Variants in OSBPL6 observed in about 807,000 individuals in gnomAD.
OSBPL6 encodes the protein oxysterol binding protein like 6, also known as oxysterol-binding protein-related protein 6.
A neutral mutation model predicts 125.8 loss-of-function variants in OSBPL6; 49 were observed. That is an observed-to-expected ratio of 0.39 (90% CI 0.31 to 0.49). OSBPL6 has a LOEUF of 0.49. Among genes scored for constraint, OSBPL6 ranks in the 20% least tolerant of loss-of-function variants. The pLI is 0.88. For missense variants in OSBPL6, 986 were observed against 1,135.4 expected (o/e 0.87, Z 1.89); for synonymous variants, 394 against 391.8 (o/e 1.01, Z -0.07).
At chr2:178,220,075 G>T (rs1269317876) in intron 1 of OSBPL6, among the ~76,000 whole-genome samples, 1 of 152,172 alleles carries the variant, frequency 6.6e-6, no homozygotes, top group African/African-American at 2.4e-5. Context: ...GACCATGGAG[G>T]TGTCTGTTCC....
chr2:178,200,237 T>C (rs1292791940), intron 1 of OSBPL6, among the ~76,000 whole-genome samples: 1 of 151,602 alleles, frequency 6.6e-6, no homozygotes, highest in Admixed American at 6.6e-5. Flanking sequence ...AAGGTTCTGT[T>C]TCTTCAGACC....
Position 178,332,862 on chromosome 2 carries a change from T to C in OSBPL6, c.487-9T>C, listed in dbSNP as rs368764641. ...TACAATTACTTTCTCCTCTCGTTCATTGTTTTAGGTGAAATCCCAGGACTG... is the reference window on the plus strand; with the variant it reads ...TACAATTACTTTCTCCTCTCGTTCACTGTTTTAGGTGAAATCCCAGGACTG... On this transcript the variant is annotated splice_polypyrimidine_tract_variant and intron_variant, in intron 7 of 24. Coordinates refer to ENST00000190611, the MANE Select transcript of OSBPL6 (RefSeq NM_032523.4). The C allele has an allele frequency of 3.1e-5, 50 of 1,609,332 alleles. No homozygotes were observed. The highest frequency in any genetic ancestry group is 4.1e-5 in the Non-Finnish European group (48 of 1,176,376).
rs183702482 is a variant in OSBPL6 at position 178,262,565 on chromosome 2, A to T, written c.-350-22362A>T. Among the ~76,000 whole-genome samples the T allele has an allele frequency of 7.2e-5, 11 of 152,320 alleles. No homozygotes were observed. In the East Asian group the frequency reaches 1.9e-3, roughly 27 times the overall value. On this transcript the variant is annotated intron_variant, in intron 1 of 24. Coordinates refer to ENST00000190611, the MANE Select transcript of OSBPL6 (RefSeq NM_032523.4). ...TTATTTAAGCTTAATATTCATTTTT[A>T]AAAAAGAAAAATATTAATATTTTGA...
chr2:178,322,548 G>A (rs1433486662), intron 3 of OSBPL6, among the ~76,000 whole-genome samples: 1 of 152,038 alleles, frequency 6.6e-6, no homozygotes, highest in Non-Finnish European at 1.5e-5. Context: ...AAGTGTAGGT[G>A]CCTAATAATG....
chr2:178,218,260 G>A (rs7581504), intron 1 of OSBPL6, among the ~76,000 whole-genome samples: 48,674 of 151,924 alleles, frequency 0.32, 8,046 homozygotes, highest in African/African-American at 0.37. Flanking sequence ...AAATGCCTAC[G>A]TGGTCCATCT....
intron 12 of OSBPL6, among the ~76,000 whole-genome samples, chr2:178,350,457 T>C (rs1481151905): frequency 6.6e-6 from 1 of 152,158 alleles, no homozygotes; most frequent in Non-Finnish European, 1.5e-5. Context: ...AACAGCCTGG[T>C]GGAAAAGAAG....
At chr2:178,378,306 G>T (rs1468958744) in intron 15 of OSBPL6, among the ~76,000 whole-genome samples, 1 of 152,202 alleles carries the variant, frequency 6.6e-6, no homozygotes, top group Non-Finnish European at 1.5e-5. Context: ...GTTCTGGTGA[G>T]CCCAGAGCAG....
chr2:178,328,748 A>G (rs1688925828), intron 5 of OSBPL6, among the ~76,000 whole-genome samples: 1 of 152,154 alleles, frequency 6.6e-6, no homozygotes, highest in African/African-American at 2.4e-5. Flanking sequence ...TCAGCCTCAC[A>G]AAGTCCTGGG....
intron 1 of OSBPL6, among the ~76,000 whole-genome samples, chr2:178,247,778 T>G (rs2091547481): frequency 6.6e-6 from 1 of 152,158 alleles, no homozygotes. Context: ...TGGGGAGTAT[T>G]TTGTCTGTGT....
intron 1 of OSBPL6, among the ~76,000 whole-genome samples, chr2:178,236,166 A>G (rs1311764965): frequency 1.3e-5 from 2 of 152,202 alleles, no homozygotes; most frequent in African/African-American, 4.8e-5. Context: ...ATGATAGAAC[A>G]TGCTTATGCT....
intron 13 of OSBPL6, among the ~76,000 whole-genome samples, chr2:178,364,618 T>C (rs1692642121): frequency 6.6e-6 from 1 of 152,140 alleles, no homozygotes; most frequent in African/African-American, 2.4e-5. Flanking sequence ...TAACTGGGTA[T>C]GTGAAAGTTA....
At chr2:178,223,149 G>GT (rs1187359968) in intron 1 of OSBPL6, among the ~76,000 whole-genome samples, 1 of 152,180 alleles carries the variant, frequency 6.6e-6, no homozygotes, top group Non-Finnish European at 1.5e-5. Context: ...TTGAAGCCTT[G>GT]TAAGACTTGT....
intron 1 of OSBPL6, among the ~76,000 whole-genome samples, chr2:178,259,901 A>G (rs334007): frequency 0.37 from 56,178 of 152,020 alleles, 10,764 homozygotes; most frequent in African/African-American, 0.45. Context: ...GCTTGAGTCT[A>G]TACTGGGTGA....
chr2:178,381,362 CT>C (rs150989668), intron 15 of OSBPL6, among the ~76,000 whole-genome samples: 7 of 151,328 alleles, frequency 4.6e-5, no homozygotes, highest in African/African-American at 9.7e-5. Context: ...AGCCGTATTT[CT>C]TTTTTTTTGA....
At chr2:178,197,681 C>T (rs1047372838) in intron 1 of OSBPL6, among the ~76,000 whole-genome samples, 1 of 152,116 alleles carries the variant, frequency 6.6e-6, no homozygotes, top group African/African-American at 2.4e-5. Context: ...TGTGGTTTCT[C>T]TCTCTTTCAA....
intron 22 of OSBPL6, 21 bp downstream of exon 22, chr2:178,391,238 C>G (rs1203652440): frequency 6.3e-7 from 1 of 1,578,958 alleles, no homozygotes; most frequent in African/African-American, 1.4e-5. Context: ...CCTGAGTGTT[C>G]TGCCAACAGG....
intron 1 of OSBPL6, among the ~76,000 whole-genome samples, chr2:178,254,542 G>A (rs1041602450): frequency 6.6e-6 from 1 of 152,168 alleles, no homozygotes; most frequent in Non-Finnish European, 1.5e-5. Flanking sequence ...TACAATGTTT[G>A]AAATGTATAC....
chr2:178,290,429 T>G (rs1685144148), intron 2 of OSBPL6, among the ~76,000 whole-genome samples: 1 of 145,808 alleles, frequency 6.9e-6, no homozygotes, highest in Non-Finnish European at 1.5e-5. Context: ...TAGTGGTTTT[T>G]TTTTTTTTTT....
At chr2:178,384,456 T>A (rs775105565) in intron 18 of OSBPL6, among the ~76,000 whole-genome samples, 1 of 152,192 alleles carries the variant, frequency 6.6e-6, no homozygotes, top group Non-Finnish European at 1.5e-5. Flanking sequence ...TCAATCAATA[T>A]ATGTAAGATG....
Sources: gnomAD v4.1 joint callset for allele counts (sites outside exome capture counted in the v4.1 genomes callset) on GRCh38, gnomAD v4.1.1 for gene constraint, MANE v1.5 for transcripts, NCBI Gene and HGNC (gene_info 2026-07-23, HGNC 2026-07-21) for gene names.